The following COL4A6 variants were observed in gnomAD, a reference collection of about 807,000 sequenced individuals.
COL4A6 encodes collagen type IV alpha 6 chain.
A neutral mutation model predicts 126.7 loss-of-function variants in COL4A6; 59 were observed. The observed-to-expected ratio is 0.47, with a 90% CI of 0.38 to 0.58. The LOEUF is 0.58. Ranked by LOEUF, COL4A6 falls within the 20% of genes least tolerant of loss-of-function variation. The probability of loss-of-function intolerance (pLI) is 0.00; values close to 1 mark genes in which losing one functional copy is unlikely to be tolerated. For missense variants in COL4A6, 1,285 were observed against 1,337.3 expected (o/e 0.96, Z 0.61); for synonymous variants, 547 against 496.6 (o/e 1.10, Z -1.35).
chrX:108,171,589 T>A lies in COL4A6; in HGVS notation c.3203-128A>T, dbSNP rs966460154. The A allele has an allele frequency of 2.5e-5, 13 of 517,813 alleles. No individual in the cohort carries two copies. In the Admixed American group the frequency reaches 5.2e-4, roughly 21 times the overall value. The allele number at this position is 517,813 out of a possible 1,213,427, so 42.7% of individuals were successfully genotyped here. On this transcript the variant is annotated intron_variant, in intron 32 of 44. Transcript: ENST00000334504. ...CCAGAGGAGCTCCTTGACAAAATTA[T>A]CTATTGGGTAAAAAGTGATGAACCA...
intron 2 of COL4A6, among the ~76,000 whole-genome samples, chrX:108,382,699 C>A (rs2040584114): frequency 9.1e-6 from 1 of 110,313 alleles, no homozygotes; most frequent in Non-Finnish European, 1.9e-5. Flanking sequence ...GTAAACCCAG[C>A]ACTTTGGCAG....
chrX:108,309,406 C>G (rs2038706395), intron 3 of COL4A6, among the ~76,000 whole-genome samples: 1 of 110,957 alleles, frequency 9.0e-6, no homozygotes, highest in African/African-American at 3.3e-5. Flanking sequence ...AATTTTTCTT[C>G]TGCGTCTGTT....
intron 3 of COL4A6, among the ~76,000 whole-genome samples, chrX:108,292,816 G>A (rs2038196438): frequency 9.2e-6 from 1 of 108,449 alleles, no homozygotes; most frequent in Non-Finnish European, 1.9e-5. Flanking sequence ...ACAGTAGAAG[G>A]AAAAGCACTG....
intron 37 of COL4A6, among the ~76,000 whole-genome samples, chrX:108,167,945 T>C (rs185777335): frequency 8.9e-6 from 1 of 111,827 alleles, no homozygotes; most frequent in Non-Finnish European, 1.9e-5. Context: ...ACTCCTGAAT[T>C]TTGTTCATCA....
At chrX:108,373,674 C>A (rs1418334331) in intron 2 of COL4A6, among the ~76,000 whole-genome samples, 1 of 111,534 alleles carries the variant, frequency 9.0e-6, no homozygotes, top group African/African-American at 3.3e-5. Flanking sequence ...CCATCCTACA[C>A]ACTTCATCTT....
intron 23 of COL4A6, 132 bp from the exon 24 acceptor site, chrX:108,181,100 C>T: frequency 1.9e-6 from 1 of 532,563 alleles, no homozygotes; most frequent in Non-Finnish European, 3.1e-6. Context: ...GGAGCCCACA[C>T]TGGAAAACCT....
intron 3 of COL4A6, among the ~76,000 whole-genome samples, chrX:108,261,733 A>G (rs1341018383): frequency 1.8e-5 from 2 of 111,588 alleles, no homozygotes; most frequent in Admixed American, 1.9e-4. Flanking sequence ...GCAGGGGAGG[A>G]GTATGTAATT....
chrX:108,276,260 A>T (rs1394985315), intron 3 of COL4A6, among the ~76,000 whole-genome samples: 1 of 112,763 alleles, frequency 8.9e-6, no homozygotes, highest in East Asian at 2.8e-4. Context: ...AGTAGGGCAC[A>T]GACCTTGCCA....
intron 3 of COL4A6, among the ~76,000 whole-genome samples, chrX:108,294,701 T>C (rs935430627): frequency 9.0e-6 from 1 of 111,154 alleles, no homozygotes; most frequent in Non-Finnish European, 1.9e-5. Flanking sequence ...TATGGGAGCT[T>C]TGCAAATCAT....
intron 13 of COL4A6, among the ~76,000 whole-genome samples, chrX:108,198,010 A>C (rs2035275205): frequency 9.0e-6 from 1 of 111,466 alleles, no homozygotes; most frequent in African/African-American, 3.3e-5. Context: ...GACTTGGTGG[A>C]ATGTCTATTG....
At chrX:108,424,834 A>G (rs2064044352) in intron 2 of COL4A6, among the ~76,000 whole-genome samples, 1 of 110,875 alleles carries the variant, frequency 9.0e-6, no homozygotes, top group Non-Finnish European at 1.9e-5. Flanking sequence ...TACAAAGTGA[A>G]AACCCCATCT....
intron 2 of COL4A6, among the ~76,000 whole-genome samples, chrX:108,431,485 C>T (rs1228961333): frequency 9.0e-6 from 1 of 111,686 alleles, no homozygotes; most frequent in African/African-American, 3.3e-5. Flanking sequence ...TGTTTTTGGT[C>T]GCAGATGGGA....
At position 108,300,418 on chromosome X, in the gene COL4A6, C is replaced by A. The variant is rs761966968; in HGVS notation, c.144+10330G>T. ...TGTGTGTATTCAGGAATAGAGAAAA[C>A]CACTGAAAGAAAGCATCTAAGCAGC... On this transcript the variant is annotated intron_variant, in intron 3 of 44. Coordinates refer to ENST00000334504, the MANE Select transcript of COL4A6 (RefSeq NM_033641.4). 5.1e-4 allele frequency among the ~76,000 whole-genome samples: 48 copies of A among 94,305 alleles called. 1 individual carries two copies. Among genetic ancestry groups the A allele is most frequent in the African/African-American group, 1.9e-3 (46 of 24,861 alleles). 81.9% of individuals were successfully genotyped at this position (94,305 alleles called of 115,157 possible). A position where few individuals can be genotyped will look rare whatever the true frequency, so the allele number is the denominator to read the frequency against.
chrX:108,189,300 T>G (rs770489788), intron 20 of COL4A6, among the ~76,000 whole-genome samples: 1 of 112,259 alleles, frequency 8.9e-6, no homozygotes, highest in Non-Finnish European at 1.9e-5. Context: ...GTTTCTTGAG[T>G]GTGATCCTGC....
intron 2 of COL4A6, among the ~76,000 whole-genome samples, chrX:108,396,856 A>T (rs901508589): frequency 3.6e-5 from 4 of 111,483 alleles, no homozygotes; most frequent in Non-Finnish European, 7.5e-5. Context: ...GCCTAGCTCA[A>T]AGTTTCACCT....
chrX:108,195,275 C>CTTT (rs5903312), intron 14 of COL4A6, 149 bp from the exon 15 acceptor site: 262 of 279,252 alleles, frequency 9.4e-4, no homozygotes, highest in Non-Finnish European at 1.2e-3. Flanking sequence ...AGCTTAACGA[C>CTTT]TTTTTTTTTT....
At chrX:108,378,299 T>G (rs2040488684) in intron 2 of COL4A6, among the ~76,000 whole-genome samples, 1 of 111,607 alleles carries the variant, frequency 9.0e-6, no homozygotes. Flanking sequence ...TTTCACACTA[T>G]AAGACTTTTC....
Position 108,305,117 on chromosome X carries a change from C to T in COL4A6, c.144+5631G>A, listed in dbSNP as rs146411675. ...TGATGGTAAGAGTAGACAACCCCAGCCTGGCAGATCATGGAAATCTTCCCA... is the reference window on the plus strand; with the variant it reads ...TGATGGTAAGAGTAGACAACCCCAGTCTGGCAGATCATGGAAATCTTCCCA... On this transcript the variant is annotated intron_variant, in intron 3 of 44. Coordinates refer to ENST00000334504, the MANE Select transcript of COL4A6 (RefSeq NM_033641.4). Among the ~76,000 whole-genome samples, 51 of 111,767 alleles carry T rather than the reference C, an allele frequency of 4.6e-4. No homozygotes were observed. In the East Asian group the frequency reaches 0.013, roughly 29 times the overall value.
At chrX:108,213,444 C>CA (rs2035768765) in intron 6 of COL4A6, among the ~76,000 whole-genome samples, 1 of 112,089 alleles carries the variant, frequency 8.9e-6, no homozygotes, top group African/African-American at 3.2e-5. Context: ...AAAGTGGTGA[C>CA]ACTGGAATCC....
Sources: allele counts gnomAD v4.1 joint callset (sites outside exome capture counted in the v4.1 genomes callset), GRCh38; gene constraint gnomAD v4.1.1; transcripts MANE v1.5; gene names NCBI Gene and HGNC (gene_info 2026-07-23, HGNC 2026-07-21).